The following MSRB3 variants were observed in gnomAD, a reference collection of about 807,000 sequenced individuals.
MSRB3 encodes the protein methionine-R-sulfoxide reductase B3.
MSRB3 carries 13 observed loss-of-function variants against 21.0 expected under a neutral mutation model. The ratio of observed to expected loss-of-function variants is 0.62; its 90% CI spans 0.40 to 0.98. MSRB3 has a LOEUF of 0.98. Among genes scored for constraint, MSRB3 ranks in the 50% least tolerant of loss-of-function variants. The pLI is 0.00. For missense variants in MSRB3, 199 were observed against 230.3 expected, an observed-to-expected ratio of 0.86 and a Z score of 0.88; for synonymous variants, 87 against 88.6, an observed-to-expected ratio of 0.98 and a Z score of 0.10.
chr12:65,390,214 A>G (rs1182579952), intron 5 of MSRB3, among the ~76,000 whole-genome samples: 1 of 152,170 alleles, frequency 6.6e-6, no homozygotes, highest in East Asian at 1.9e-4. Flanking sequence ...TCTTCCCTAC[A>G]GCCTGAAGAT....
intron 1 of MSRB3, among the ~76,000 whole-genome samples, chr12:65,308,001 G>T (rs926505147): frequency 3.3e-5 from 5 of 152,130 alleles, no homozygotes; most frequent in Non-Finnish European, 7.4e-5. Flanking sequence ...GCCAATAATT[G>T]CTGGAAGAAG....
At chr12:65,440,477 A>G (rs2136679047) in intron 5 of MSRB3, among the ~76,000 whole-genome samples, 1 of 152,048 alleles carries the variant, frequency 6.6e-6, no homozygotes, top group South Asian at 2.1e-4. Flanking sequence ...ATTTCTTCTT[A>G]ATTGTGTGAA....
At chr12:65,362,795 A>ACTG (rs1320893188) in intron 4 of MSRB3, among the ~76,000 whole-genome samples, 2 of 152,164 alleles carry the variant, frequency 1.3e-5, no homozygotes, top group Non-Finnish European at 2.9e-5. Flanking sequence ...GAAGCATTCC[A>ACTG]CGCAGAGGAA....
chr12:65,396,802 A>T (rs1419460505), intron 5 of MSRB3, among the ~76,000 whole-genome samples: 2 of 152,152 alleles, frequency 1.3e-5, no homozygotes, highest in African/African-American at 4.8e-5. Context: ...CTATCTTGGT[A>T]AATATTTCAT....
intron 1 of MSRB3, among the ~76,000 whole-genome samples, chr12:65,303,603 A>G (rs917224624): frequency 3.9e-5 from 6 of 152,202 alleles, no homozygotes; most frequent in African/African-American, 1.4e-4. Context: ...CTGAACATAT[A>G]ATCGGTCATT....
At chr12:65,315,684 AAAAAAAAAACCCATGAAATGAC>A (rs1874251242) in intron 2 of MSRB3, among the ~76,000 whole-genome samples, 1 of 151,804 alleles carries the variant, frequency 6.6e-6, no homozygotes, top group Non-Finnish European at 1.5e-5. Context: ...AAAAAAAAAA[AAAAAAAAAACCCATGAAATGAC>A]AAAAGATATC....
At chr12:65,400,975 CTGTT>C (rs754027071) in intron 5 of MSRB3, among the ~76,000 whole-genome samples, 3 of 152,246 alleles carry the variant, frequency 2.0e-5, no homozygotes, top group Non-Finnish European at 2.9e-5. Context: ...GTCTGAGAGA[CTGTT>C]TGTTATGATT....
chr12:65,282,317 CAA>C (rs761449447), intron 1 of MSRB3, among the ~76,000 whole-genome samples: 7 of 119,172 alleles, frequency 5.9e-5, no homozygotes, highest in Non-Finnish European at 8.9e-5. Context: ...AACTCTGTCT[CAA>C]AAAAAAAAAA....
chr12:65,358,038 G>A (rs1045818333), intron 4 of MSRB3, among the ~76,000 whole-genome samples: 8 of 151,890 alleles, frequency 5.3e-5, no homozygotes, highest in African/African-American at 1.9e-4. Flanking sequence ...CTTGAAGGCA[G>A]AGTATCTCTA....
At chr12:65,357,642 C>T (rs1233467007) in intron 4 of MSRB3, among the ~76,000 whole-genome samples, 1 of 151,886 alleles carries the variant, frequency 6.6e-6, no homozygotes, top group African/African-American at 2.4e-5. Context: ...TCTCCTTAGT[C>T]TTCTCTTGGC....
rs1875121657 is a variant in MSRB3, at chr12:65,327,416, G to A, written c.185+482G>A. On this transcript the variant is annotated intron_variant, in intron 3 of 6. Transcript: ENST00000308259. ...GCACATGTGGAGAAAGTATTTATTG[G>A]CTCATTTGTGGTTGGAATGTCAAAA... is the stretch of plus-strand genomic sequence containing the variant. Among the ~76,000 whole-genome samples, 5 of 152,168 alleles carry A rather than the reference G, an allele frequency of 3.3e-5. 1 individual carries two copies. The South Asian group carries it at 1.0e-3, about 31-fold the overall frequency.
At chr12:65,351,006 T>A (rs1020723651) in intron 4 of MSRB3, among the ~76,000 whole-genome samples, 9 of 150,968 alleles carry the variant, frequency 6.0e-5, no homozygotes, top group Non-Finnish European at 1.3e-4. Flanking sequence ...CAACAGAATA[T>A]ACATTTTTTT....
intron 5 of MSRB3, chr12:65,419,817 G>A (rs1382397273): frequency 2.3e-6 from 2 of 886,982 alleles, no homozygotes; most frequent in Non-Finnish European, 1.9e-6. Flanking sequence ...CAGACCCCTA[G>A]CCATCCCTCC....
chr12:65,331,390 C>G (rs924792396), intron 4 of MSRB3, among the ~76,000 whole-genome samples: 3 of 152,122 alleles, frequency 2.0e-5, no homozygotes, highest in African/African-American at 7.2e-5. Flanking sequence ...AGATAGATAG[C>G]CCTAGGAATC....
intron 5 of MSRB3, among the ~76,000 whole-genome samples, chr12:65,434,361 A>G (rs966568850): frequency 3.3e-5 from 5 of 151,912 alleles, no homozygotes; most frequent in Admixed American, 2.0e-4. Context: ...TATCCTTTAG[A>G]TCACTTTGTC....
At chr12:65,431,640 A>G (rs746202343) in intron 5 of MSRB3, among the ~76,000 whole-genome samples, 57 of 152,008 alleles carry the variant, frequency 3.7e-4, no homozygotes, top group Non-Finnish European at 6.8e-4. Flanking sequence ...GTCAGGTTAT[A>G]GTGGAAAGCC....
intron 5 of MSRB3, among the ~76,000 whole-genome samples, chr12:65,390,009 T>C (rs998267184): frequency 6.6e-6 from 1 of 152,214 alleles, no homozygotes; most frequent in African/African-American, 2.4e-5. Flanking sequence ...TAGAGAAATT[T>C]AACACTATGA....
At chr12:65,348,468 C>A (rs1207323527) in intron 4 of MSRB3, among the ~76,000 whole-genome samples, 2 of 151,464 alleles carry the variant, frequency 1.3e-5, no homozygotes, top group Non-Finnish European at 2.9e-5. Context: ...CTATTTGATT[C>A]TTCTCTCTTT....
At chr12:65,419,918 G>A (rs925207778) in intron 5 of MSRB3, 14 of 580,198 alleles carry the variant, frequency 2.4e-5, no homozygotes, top group Admixed American at 1.8e-4. Flanking sequence ...CTGCATAGAC[G>A]TTGGTTGTGC....
Sources: allele counts gnomAD v4.1 joint callset (sites outside exome capture counted in the v4.1 genomes callset), GRCh38; gene constraint gnomAD v4.1.1; transcripts MANE v1.5; gene names NCBI Gene and HGNC (gene_info 2026-07-23, HGNC 2026-07-21).